RIMS2: variants seen among roughly 807,000 people sequenced by gnomAD.
RIMS2 encodes regulating synaptic membrane exocytosis 2, also known as regulating synaptic membrane exocytosis protein 2.
RIMS2 carries 59 observed loss-of-function variants against 174.4 expected under a neutral mutation model. That is an observed-to-expected ratio of 0.34 (90% CI 0.27 to 0.42). The LOEUF is 0.42. Among genes scored for constraint, RIMS2 ranks in the 10% least tolerant of loss-of-function variants. RIMS2 has a pLI of 1.00. For synonymous variants in RIMS2, 606 were observed against 572.5 expected, an observed-to-expected ratio of 1.06 and a Z score of -0.84; for missense variants, 1,620 against 1,666.3, an observed-to-expected ratio of 0.97 and a Z score of 0.48.
At chr8:103,819,615 A>G (rs546248779) in intron 3 of RIMS2, 3 of 1,612,602 alleles carry the variant, frequency 1.9e-6, no homozygotes, top group African/African-American at 2.7e-5. Context: ...TTGGACAAAC[A>G]CTGAACAATG....
chr8:103,503,502 G>A (rs1264912797), intron 1 of RIMS2, among the ~76,000 whole-genome samples: 1 of 151,774 alleles, frequency 6.6e-6, no homozygotes, highest in Non-Finnish European at 1.5e-5. Context: ...TTTAGGGTTC[G>A]CTTACCTAGT....
chr8:103,707,730 C>T (rs1350826930), intron 2 of RIMS2, among the ~76,000 whole-genome samples: 1 of 152,168 alleles, frequency 6.6e-6, no homozygotes, highest in Non-Finnish European at 1.5e-5. Flanking sequence ...CAAATCAGCA[C>T]AGTACAGGGG....
chr8:103,730,001 A>G (rs1349563439), intron 2 of RIMS2, among the ~76,000 whole-genome samples: 2 of 152,182 alleles, frequency 1.3e-5, no homozygotes, highest in African/African-American at 2.4e-5. Flanking sequence ...TGTGCTGAGG[A>G]AAATAATGTA....
rs529086583 is a variant in RIMS2, at chr8:104,117,848, A to G, written c.3334+103233A>G. 3.2e-3 allele frequency among the ~76,000 whole-genome samples: 492 copies of G among 152,334 alleles called. 5 individuals are homozygous for G. The highest frequency in any genetic ancestry group is 6.8e-3 in the Middle Eastern group (2 of 294). On this transcript the variant is annotated intron_variant, in intron 19 of 23. Transcript: ENST00000504942. ...ATCTACATAGCCTTGCTAAAAATGTAGTTGTCCTTGGGCTGCCTAATAGCT... is the reference window on the plus strand; with the variant it reads ...ATCTACATAGCCTTGCTAAAAATGTGGTTGTCCTTGGGCTGCCTAATAGCT...
At chr8:104,185,625 T>G (rs1430742161) in intron 19 of RIMS2, among the ~76,000 whole-genome samples, 1 of 151,608 alleles carries the variant, frequency 6.6e-6, no homozygotes, top group Non-Finnish European at 1.5e-5. Flanking sequence ...CTAACAGATA[T>G]ATGAGACAAT....
At chr8:103,744,753 T>C (rs1564479407) in intron 2 of RIMS2, among the ~76,000 whole-genome samples, 1 of 152,208 alleles carries the variant, frequency 6.6e-6, no homozygotes, top group African/African-American at 2.4e-5. Context: ...CCCAGACCCC[T>C]TGCTCTTCAG....
At chr8:103,940,763 C>A (rs927185794) in intron 13 of RIMS2, among the ~76,000 whole-genome samples, 2 of 151,744 alleles carry the variant, frequency 1.3e-5, no homozygotes, top group African/African-American at 4.8e-5. Context: ...GTAATTCCAA[C>A]TACTTGGGAG....
At chr8:103,544,494 C>A (rs775763307) in intron 1 of RIMS2, among the ~76,000 whole-genome samples, 4 of 152,194 alleles carry the variant, frequency 2.6e-5, no homozygotes, top group Non-Finnish European at 5.9e-5. Flanking sequence ...AGGGGAGCAA[C>A]CTCCTATTGC....
intron 1 of RIMS2, among the ~76,000 whole-genome samples, chr8:103,613,285 C>T (rs2095429160): frequency 6.6e-6 from 1 of 152,206 alleles, no homozygotes; most frequent in Non-Finnish European, 1.5e-5. Context: ...CTCCCATCTC[C>T]CTTCAATGGG....
chr8:103,651,931 A>G (rs2096459522), intron 1 of RIMS2, among the ~76,000 whole-genome samples: 1 of 152,156 alleles, frequency 6.6e-6, no homozygotes, highest in Non-Finnish European at 1.5e-5. Context: ...AAAATCTTCA[A>G]TATCAATAAA....
chr8:104,077,592 C>T (rs2097322025), intron 19 of RIMS2, among the ~76,000 whole-genome samples: 1 of 148,776 alleles, frequency 6.7e-6, no homozygotes, highest in South Asian at 2.2e-4. Flanking sequence ...ATAGATATAC[C>T]TGTAGGCAGA....
chr8:104,018,938 C>T (rs1012342571), intron 19 of RIMS2, among the ~76,000 whole-genome samples: 1 of 152,070 alleles, frequency 6.6e-6, no homozygotes, highest in Non-Finnish European at 1.5e-5. Context: ...TTTAAAGTCC[C>T]TATTATGTTT....
intron 19 of RIMS2, among the ~76,000 whole-genome samples, chr8:104,070,821 A>G (rs1457580539): frequency 6.6e-6 from 1 of 152,214 alleles, no homozygotes; most frequent in African/African-American, 2.4e-5. Context: ...AAGAGAAAAT[A>G]AAGTCACGAT....
chr8:103,548,249 A>G (rs959840551), intron 1 of RIMS2, among the ~76,000 whole-genome samples: 1 of 152,178 alleles, frequency 6.6e-6, no homozygotes, highest in African/African-American at 2.4e-5. Flanking sequence ...ATGAACATAG[A>G]TGCAAAAATA....
intron 1 of RIMS2, among the ~76,000 whole-genome samples, chr8:103,587,452 G>GAA (rs1489799161): frequency 8.2e-6 from 1 of 122,288 alleles, no homozygotes; most frequent in African/African-American, 3.2e-5. Flanking sequence ...AAGAAAGAAA[G>GAA]AAAGAAAGAA....
At chr8:104,024,823 G>A (rs2096211009) in intron 19 of RIMS2, among the ~76,000 whole-genome samples, 1 of 152,136 alleles carries the variant, frequency 6.6e-6, no homozygotes, top group Non-Finnish European at 1.5e-5. Context: ...GGTAAGTTTT[G>A]AGAGGTTCTG....
At chr8:104,039,027 A>G (rs1328827285) in intron 19 of RIMS2, among the ~76,000 whole-genome samples, 1 of 151,642 alleles carries the variant, frequency 6.6e-6, no homozygotes, top group Non-Finnish European at 1.5e-5. Flanking sequence ...TAATCATATA[A>G]ATTTTGTACT....
chr8:104,058,118 G>C (rs1286418610), intron 19 of RIMS2, among the ~76,000 whole-genome samples: 1 of 148,052 alleles, frequency 6.8e-6, no homozygotes, highest in African/African-American at 2.5e-5. Context: ...GGTATTTCTA[G>C]TTCTAGATCC....
chr8:103,912,709 T>C lies in RIMS2; in HGVS notation c.1812+537T>C, dbSNP rs377426221. On this transcript the variant is annotated intron_variant, in intron 6 of 23. Coordinates refer to ENST00000504942, the Ensembl canonical transcript of RIMS2. ...AAAATAATTATGCTGGGAGATTAAA[T>C]ACAAATATTGATTTATGTTTTACAG... Among the ~76,000 whole-genome samples the C allele has an allele frequency of 2.6e-5, 4 of 152,142 alleles. No individual in the cohort carries two copies. In the East Asian group the frequency reaches 7.7e-4, roughly 29 times the overall value.
Sources: gnomAD v4.1 joint callset for allele counts (sites outside exome capture counted in the v4.1 genomes callset) on GRCh38, gnomAD v4.1.1 for gene constraint, MANE v1.5 for transcripts, NCBI Gene and HGNC (gene_info 2026-07-23, HGNC 2026-07-21) for gene names.